The following SPAG16 variants were observed in gnomAD, a reference collection of about 807,000 sequenced individuals.
The protein encoded by SPAG16 is sperm-associated antigen 16 protein.
A neutral mutation model predicts 80.4 loss-of-function variants in SPAG16; 86 were observed. That is an observed-to-expected ratio of 1.07 (90% confidence interval 0.90 to 1.28). SPAG16 has a LOEUF of 1.28. SPAG16 is among the 50% of genes most tolerant of loss of function. The pLI is 0.00. For missense variants in SPAG16, 870 were observed against 765.3 expected (o/e 1.14, Z -1.61); for synonymous variants, 294 against 265.9 (o/e 1.11, Z -1.03).
At chr2:213,394,349 C>G (rs1174940942) in intron 9 of SPAG16, among the ~76,000 whole-genome samples, 1 of 151,974 alleles carries the variant, frequency 6.6e-6, no homozygotes, top group Non-Finnish European at 1.5e-5. Flanking sequence ...GTTGTACTGT[C>G]TCTGTAATTT....
At chr2:213,625,014 C>T (rs2061913350) in intron 10 of SPAG16, among the ~76,000 whole-genome samples, 1 of 152,154 alleles carries the variant, frequency 6.6e-6, no homozygotes, top group African/African-American at 2.4e-5. Context: ...TGGTCTCAAA[C>T]TCCTGACCCC....
intron 13 of SPAG16, among the ~76,000 whole-genome samples, chr2:214,107,548 A>G (rs532176221): frequency 3.3e-5 from 5 of 152,288 alleles, no homozygotes; most frequent in Middle Eastern, 3.4e-3. Flanking sequence ...TTATAGGTCC[A>G]TCTTTCCCGG....
chr2:213,932,161 TATATATATATATATATATATA>T (rs1164017167), intron 12 of SPAG16, among the ~76,000 whole-genome samples: 12 of 12,758 alleles, frequency 9.4e-4, no homozygotes, highest in Non-Finnish European at 3.4e-3. Flanking sequence ...TATATATATA[TATATATATATATATATATATA>T]TATATATATA....
intron 10 of SPAG16, among the ~76,000 whole-genome samples, chr2:213,567,824 G>C (rs1367073443): frequency 4.6e-5 from 3 of 65,908 alleles, no homozygotes; most frequent in Non-Finnish European, 7.8e-5. Flanking sequence ...TTCCACAATC[G>C]TTGAACTAGT....
At chr2:214,249,823 G>T (rs1334240563) in intron 15 of SPAG16, among the ~76,000 whole-genome samples, 1 of 152,104 alleles carries the variant, frequency 6.6e-6, no homozygotes, top group South Asian at 2.1e-4. Context: ...TTGAGAAAAA[G>T]TAGATTGAAG....
rs186342667 is a variant in SPAG16 at position 213,961,592 on chromosome 2, T to G, written c.1400+31447T>G. Among the ~76,000 whole-genome samples the G allele has an allele frequency of 7.6e-3, 1,157 of 151,752 alleles. 24 individuals carry two copies. The highest frequency in any genetic ancestry group is 0.053 in the East Asian group (276 of 5,168). ...AGCTGTCTTCTAACCCTAGTTTTTT[T>G]TTTTTTTTGCTGGATTTTGATAAAT... On this transcript the variant is annotated intron_variant, in intron 12 of 15. Coordinates refer to ENST00000331683, the MANE Select transcript of SPAG16 (RefSeq NM_024532.5).
At chr2:214,260,740 T>C (rs889026254) in intron 15 of SPAG16, among the ~76,000 whole-genome samples, 1 of 152,118 alleles carries the variant, frequency 6.6e-6, no homozygotes, top group Non-Finnish European at 1.5e-5. Context: ...AGTGCCTGGG[T>C]ATCTATCTTT....
chr2:214,231,843 T>C (rs1688724942), intron 15 of SPAG16, among the ~76,000 whole-genome samples: 3 of 152,116 alleles, frequency 2.0e-5, no homozygotes, highest in Admixed American at 2.0e-4. Flanking sequence ...TAGTTAAAAA[T>C]TCAATGTGAC....
At chr2:214,102,060 G>A (rs889026395) in intron 13 of SPAG16, among the ~76,000 whole-genome samples, 5 of 150,590 alleles carry the variant, frequency 3.3e-5, no homozygotes, top group African/African-American at 1.2e-4. Flanking sequence ...AATAAATATT[G>A]AGAAGACTAA....
At chr2:214,238,344 C>T (rs372596083) in intron 15 of SPAG16, 17 of 180,584 alleles carry the variant, frequency 9.4e-5, no homozygotes, top group Middle Eastern at 4.9e-4. Context: ...TAATTTGTCT[C>T]TCTAATCTTG....
At chr2:213,582,469 A>G (rs1271606366) in intron 10 of SPAG16, among the ~76,000 whole-genome samples, 1 of 152,158 alleles carries the variant, frequency 6.6e-6, no homozygotes, top group Non-Finnish European at 1.5e-5. Flanking sequence ...TCATGGGCTG[A>G]AAGAGATAGT....
At chr2:214,300,965 A>G (rs1339440460) in intron 15 of SPAG16, among the ~76,000 whole-genome samples, 1 of 150,770 alleles carries the variant, frequency 6.6e-6, no homozygotes, top group Non-Finnish European at 1.5e-5. Flanking sequence ...AACAAAAGCT[A>G]CAGGCCAGTG....
chr2:213,499,319 CA>C (rs1250297027), intron 10 of SPAG16, among the ~76,000 whole-genome samples: 1 of 152,072 alleles, frequency 6.6e-6, no homozygotes, highest in African/African-American at 2.4e-5. Context: ...ATGCATAATA[CA>C]GGGGTGCATA....
rs73987144 is a variant in SPAG16 at position 214,061,754 on chromosome 2, A to C, written c.1528-46442A>C. Among the ~76,000 whole-genome samples, 1,420 of 152,250 alleles carry C rather than the reference A, an allele frequency of 9.3e-3. 28 individuals are homozygous for C. Among genetic ancestry groups the C allele is most frequent in the African/African-American group, 0.032 (1,346 of 41,550 alleles). On this transcript the variant is annotated intron_variant, in intron 13 of 15. Transcript: ENST00000331683. Reference sequence around the variant, plus strand: ...AAGTTGACACATAAAATTAATCACCATACTCAGTATTTTACAGTACTCAGA... The same window carrying C: ...AAGTTGACACATAAAATTAATCACCCTACTCAGTATTTTACAGTACTCAGA...
At chr2:213,545,309 G>C (rs113315902) in intron 10 of SPAG16, among the ~76,000 whole-genome samples, 1,926 of 152,080 alleles carry the variant, frequency 0.013, 18 homozygotes, top group Non-Finnish European at 0.022. Flanking sequence ...AAATCAAGTT[G>C]TTTATTTTCT....
intron 1 of SPAG16, 154 bp from the exon 2 acceptor site, chr2:213,295,909 TG>T: frequency 1.9e-6 from 1 of 528,510 alleles, no homozygotes. Flanking sequence ...ATAGGCTATA[TG>T]GGGAAGACAA....
intron 12 of SPAG16, among the ~76,000 whole-genome samples, chr2:213,957,504 C>T (rs1008472438): frequency 2.5e-4 from 37 of 150,940 alleles, no homozygotes; most frequent in Admixed American, 1.6e-3. Context: ...TAAACTGAAT[C>T]GGTTGCAAAC....
intron 13 of SPAG16, among the ~76,000 whole-genome samples, chr2:214,079,573 T>C (rs2051259371): frequency 6.6e-6 from 1 of 152,220 alleles, no homozygotes; most frequent in African/African-American, 2.4e-5. Flanking sequence ...CCAACAAATT[T>C]CAAGCAATAC....
intron 10 of SPAG16, among the ~76,000 whole-genome samples, chr2:213,829,382 C>T (rs1018079740): frequency 3.9e-5 from 6 of 152,056 alleles, no homozygotes; most frequent in African/African-American, 7.2e-5. Context: ...GCCTAGGACT[C>T]GCTCTTCAGG....
Sources: allele counts gnomAD v4.1 joint callset (sites outside exome capture counted in the v4.1 genomes callset), GRCh38; gene constraint gnomAD v4.1.1; transcripts MANE v1.5; gene names NCBI Gene and HGNC (gene_info 2026-07-23, HGNC 2026-07-21).